The following GRID1 variants were observed in gnomAD, a reference collection of about 807,000 sequenced individuals.
GRID1 encodes glutamate ionotropic receptor delta type subunit 1, also known as glutamate receptor ionotropic, delta-1.
A neutral mutation model predicts 98.0 loss-of-function variants in GRID1; 28 were observed. The observed-to-expected ratio is 0.29, with a 90% CI of 0.21 to 0.39. The LOEUF (loss-of-function observed/expected upper bound fraction) is 0.39. Among genes scored for constraint, GRID1 ranks in the 10% least tolerant of loss-of-function variants. GRID1 has a pLI of 1.00. For synonymous variants in GRID1, 553 were observed against 538.5 expected, an observed-to-expected ratio of 1.03 and a Z score of -0.37; for missense variants, 1,111 against 1,340.5, an observed-to-expected ratio of 0.83 and a Z score of 2.67.
chr10:85,866,303 CAAAAAA>C (rs201164587), intron 6 of GRID1, among the ~76,000 whole-genome samples: 1 of 65,410 alleles, frequency 1.5e-5, no homozygotes. Context: ...TAAATCACAC[CAAAAAA>C]AAAAAAAAAA....
At chr10:86,324,503 G>C (rs1267479504) in intron 2 of GRID1, among the ~76,000 whole-genome samples, 1 of 152,120 alleles carries the variant, frequency 6.6e-6, no homozygotes, top group African/African-American at 2.4e-5. Flanking sequence ...TCCAGGGTGA[G>C]GGATGCCAAA....
intron 4 of GRID1, among the ~76,000 whole-genome samples, chr10:86,052,260 T>C (rs76164390): frequency 9.8e-5 from 15 of 152,348 alleles, no homozygotes; most frequent in African/African-American, 3.6e-4. Flanking sequence ...CTGCTTATAA[T>C]TATTTTAAAA....
intron 13 of GRID1, among the ~76,000 whole-genome samples, chr10:85,637,221 AT>A (rs1843055794): frequency 6.6e-6 from 1 of 152,348 alleles, no homozygotes; most frequent in East Asian, 1.9e-4. Flanking sequence ...ATACAAGAGG[AT>A]TCTTGGAACT....
At chr10:86,137,252 C>T (rs1444554018) in intron 4 of GRID1, among the ~76,000 whole-genome samples, 1 of 152,210 alleles carries the variant, frequency 6.6e-6, no homozygotes, top group Non-Finnish European at 1.5e-5. Context: ...AAGCTATATG[C>T]TAAATGCTTT....
chr10:85,764,471 C>G (rs1170194622), intron 8 of GRID1, among the ~76,000 whole-genome samples: 1 of 152,164 alleles, frequency 6.6e-6, no homozygotes, highest in Non-Finnish European at 1.5e-5. Context: ...TTCCCCTGGT[C>G]CCTTTAAGAA....
At chr10:86,297,550 G>C (rs1050470468) in intron 2 of GRID1, among the ~76,000 whole-genome samples, 3 of 152,154 alleles carry the variant, frequency 2.0e-5, no homozygotes, top group Non-Finnish European at 4.4e-5. Flanking sequence ...CTATTCCTTG[G>C]AGGGAGTGAT....
chr10:86,062,138 C>A (rs1300767208), intron 4 of GRID1, among the ~76,000 whole-genome samples: 3 of 152,142 alleles, frequency 2.0e-5, no homozygotes, highest in South Asian at 4.1e-4. Flanking sequence ...TAAATGAGGG[C>A]AAAACTTTGT....
At chr10:85,625,011 A>G (rs1253457395) in intron 13 of GRID1, among the ~76,000 whole-genome samples, 1 of 152,214 alleles carries the variant, frequency 6.6e-6, no homozygotes, top group Non-Finnish European at 1.5e-5. Flanking sequence ...TTATATATAG[A>G]CATATATATG....
At chr10:86,111,150 T>C (rs957707160) in intron 4 of GRID1, among the ~76,000 whole-genome samples, 3 of 152,170 alleles carry the variant, frequency 2.0e-5, no homozygotes, top group Admixed American at 1.3e-4. Context: ...TTCAAGAACA[T>C]GAAGGTGATA....
intron 12 of GRID1, among the ~76,000 whole-genome samples, chr10:85,684,682 T>A (rs1300979536): frequency 6.6e-6 from 1 of 152,212 alleles, no homozygotes; most frequent in Admixed American, 6.5e-5. Context: ...ACAAAATGCA[T>A]AAGTCCACCA....
intron 8 of GRID1, among the ~76,000 whole-genome samples, chr10:85,764,977 T>C (rs1459754189): frequency 6.6e-6 from 1 of 152,232 alleles, no homozygotes; most frequent in African/African-American, 2.4e-5. Flanking sequence ...AGTGGTTAGA[T>C]GGTTTCTTTG....
chr10:85,781,341 C>T (rs550227674), intron 8 of GRID1, among the ~76,000 whole-genome samples: 63 of 152,200 alleles, frequency 4.1e-4, no homozygotes, highest in Admixed American at 4.0e-3. Context: ...AATATTGAGA[C>T]ATCTCTGCGT....
chr10:85,789,267 C>T (rs1842456883), intron 8 of GRID1, among the ~76,000 whole-genome samples: 1 of 152,140 alleles, frequency 6.6e-6, no homozygotes, highest in South Asian at 2.1e-4. Context: ...GGAGCCAAGA[C>T]ACCTGCCAAA....
intron 2 of GRID1, among the ~76,000 whole-genome samples, chr10:86,306,839 A>T (rs1435891383): frequency 1.3e-5 from 2 of 152,232 alleles, no homozygotes. Context: ...GCTTAGGATA[A>T]CTGTGTCTTC....
chr10:86,134,444 T>C (rs1273471576), intron 4 of GRID1, among the ~76,000 whole-genome samples: 1 of 152,112 alleles, frequency 6.6e-6, no homozygotes, highest in Non-Finnish European at 1.5e-5. Context: ...CAGGGCCAAA[T>C]GACTGTGGAC....
intron 2 of GRID1, among the ~76,000 whole-genome samples, chr10:86,219,086 A>T (rs1846215607): frequency 6.6e-6 from 1 of 151,776 alleles, no homozygotes; most frequent in South Asian, 2.1e-4. Context: ...CACCCACCTC[A>T]CTCCCTCTAC....
intron 4 of GRID1, among the ~76,000 whole-genome samples, chr10:86,047,353 T>G (rs574008075): frequency 6.6e-6 from 1 of 152,334 alleles, no homozygotes; most frequent in African/African-American, 2.4e-5. Flanking sequence ...AAACATAAGC[T>G]GAAAATCACT....
intron 2 of GRID1, among the ~76,000 whole-genome samples, chr10:86,343,811 C>G (rs1848344304): frequency 6.6e-6 from 1 of 152,242 alleles, no homozygotes; most frequent in East Asian, 1.9e-4. Flanking sequence ...ACAGTCATGG[C>G]CCAGCCAGGG....
chr10:85,877,023 A>C (rs1252134977), intron 5 of GRID1, among the ~76,000 whole-genome samples: 3 of 152,192 alleles, frequency 2.0e-5, no homozygotes. Context: ...GCAGTCTGAG[A>C]TCAAACTGCA....
Sources: gnomAD v4.1 joint callset for allele counts (sites outside exome capture counted in the v4.1 genomes callset) on GRCh38, gnomAD v4.1.1 for gene constraint, MANE v1.5 for transcripts, NCBI Gene and HGNC (gene_info 2026-07-23, HGNC 2026-07-21) for gene names.